TBC1D8: variants seen among roughly 807,000 people sequenced by gnomAD.
TBC1D8 encodes BUB2-like protein 1.
In TBC1D8, 65 loss-of-function variants were observed where a neutral mutation model predicts 118.8. The observed-to-expected ratio is 0.55, with a 90% confidence interval of 0.45 to 0.67. The LOEUF (loss-of-function observed/expected upper bound fraction) is 0.67, where lower values mean the gene tolerates loss of function less well. Among genes scored for constraint, TBC1D8 ranks in the 30% least tolerant of loss-of-function variants. The pLI is 0.00. For missense variants in TBC1D8, 1,376 were observed against 1,471.2 expected (o/e 0.94, Z 1.06); for synonymous variants, 566 against 595.8 (o/e 0.95, Z 0.73).
chr2:101,064,771 G>A (rs1171581138), intron 2 of TBC1D8, among the ~76,000 whole-genome samples: 2 of 152,156 alleles, frequency 1.3e-5, no homozygotes, highest in Non-Finnish European at 2.9e-5. Flanking sequence ...ACCAGAGGTG[G>A]TCAACAGAGG....
intron 10 of TBC1D8, chr2:101,033,058 C>T (rs896756549): frequency 4.1e-6 from 1 of 245,060 alleles, no homozygotes; most frequent in African/African-American, 2.2e-5. Flanking sequence ...GTGTTGAAGA[C>T]TGAATCTGCC....
intron 1 of TBC1D8, among the ~76,000 whole-genome samples, chr2:101,097,497 G>C (rs1435671587): frequency 6.6e-6 from 1 of 151,744 alleles, no homozygotes; most frequent in Non-Finnish European, 1.5e-5. Context: ...ATGGATAAGT[G>C]ACATGAATAA....
chr2:101,047,257 C>A (rs902294684), intron 5 of TBC1D8, among the ~76,000 whole-genome samples: 1 of 152,212 alleles, frequency 6.6e-6, no homozygotes, highest in African/African-American at 2.4e-5. Flanking sequence ...CACCCCCTAC[C>A]CTCCCTGCTC....
At chr2:101,058,668 T>C (rs181175519) in intron 3 of TBC1D8, among the ~76,000 whole-genome samples, 1 of 151,900 alleles carries the variant, frequency 6.6e-6, no homozygotes, top group East Asian at 1.9e-4. Context: ...ACATTTAATT[T>C]ACATATTTTA....
Position 101,054,163 on chromosome 2 carries a change from C to G in TBC1D8, c.576G>C (p.Trp192Cys), listed in dbSNP as rs1477655141. ...CWKGRVPRQG[W>C]LYLSINHLCF... ...AGAGGTGGTTGATGCTGAGGTACAG[C>G]CAGCCCTGGCGGGGCACCCTGCCCT... Residue 192 changes from tryptophan to cysteine, a missense_variant, in exon 4 of 20, where the codon TGG (tryptophan) becomes TGC (cysteine). Transcript: ENST00000409318. 1.9e-6 allele frequency: 3 copies of G among 1,613,530 alleles called. No individual in the cohort carries two copies. Among genetic ancestry groups the G allele is most frequent in the Non-Finnish European group, 2.5e-6 (3 of 1,179,788 alleles).
At chr2:101,136,787 A>T (rs758699246) in intron 1 of TBC1D8, among the ~76,000 whole-genome samples, 3 of 152,242 alleles carry the variant, frequency 2.0e-5, no homozygotes, top group Non-Finnish European at 2.9e-5. Context: ...ACATTCTGTA[A>T]GCAATCTTAA....
intron 1 of TBC1D8, among the ~76,000 whole-genome samples, chr2:101,122,383 C>CAAAAAAAAAAAAAAAAAAAAA (rs70943064): frequency 2.4e-4 from 17 of 71,944 alleles, no homozygotes; most frequent in Non-Finnish European, 3.1e-4. Context: ...GACTCCATTT[C>CAAAAAAAAAAAAAAAAAAAAA]AAAAAAAAAA....
intron 1 of TBC1D8, among the ~76,000 whole-genome samples, chr2:101,137,546 A>T (rs954522600): frequency 8.0e-5 from 12 of 150,546 alleles, no homozygotes; most frequent in Non-Finnish European, 3.0e-5. Flanking sequence ...TCTCCTGACC[A>T]TGTGATCCGC....
intron 17 of TBC1D8, among the ~76,000 whole-genome samples, chr2:101,015,237 A>G: frequency 1.3e-5 from 2 of 152,292 alleles, no homozygotes; most frequent in Middle Eastern, 6.8e-3. Context: ...AAAATATGGT[A>G]TAAAAGAAAA....
At chr2:101,137,132 A>G (rs887051040) in intron 1 of TBC1D8, among the ~76,000 whole-genome samples, 1 of 150,776 alleles carries the variant, frequency 6.6e-6, no homozygotes, top group Admixed American at 6.7e-5. Context: ...TCCCAGGTTC[A>G]AGTGATTCTA....
intron 17 of TBC1D8, among the ~76,000 whole-genome samples, chr2:101,012,625 CAA>C (rs71378138): frequency 0.26 from 35,206 of 135,108 alleles, 4,694 homozygotes; most frequent in South Asian, 0.39. Flanking sequence ...TCTGAATATA[CAA>C]AAAAAAAAAA....
At position 101,096,436 on chromosome 2, in the gene TBC1D8, A is replaced by AC. The variant is rs1044445678; in HGVS notation, c.128-6073_128-6072insG. On this transcript the variant is annotated intron_variant, in intron 1 of 19. Coordinates refer to ENST00000409318, the MANE Select transcript of TBC1D8 (RefSeq NM_001330348.2). ...GCTTTTGACAAAAAAAAAAAAAAAAAAAAAAAAAAAACTATAATGCACGCT... is the reference window on the plus strand; with the variant it reads ...GCTTTTGACAAAAAAAAAAAAAAAAACAAAAAAAAAAACTATAATGCACGCT... Among the ~76,000 whole-genome samples the AC allele has an allele frequency of 1.3e-4, 19 of 150,528 alleles. 1 individual carries two copies. Among genetic ancestry groups the AC allele is most frequent in the South Asian group, 1.3e-3 (6 of 4,768 alleles).
At chr2:101,035,450 A>G (rs189107234) in intron 9 of TBC1D8, among the ~76,000 whole-genome samples, 281 of 152,248 alleles carry the variant, frequency 1.8e-3, no homozygotes, top group African/African-American at 6.6e-3. Flanking sequence ...GCGTTCCCCA[A>G]TGGGTGCAGT....
At position 101,066,124 on chromosome 2, in the gene TBC1D8, A is replaced by G. The variant is rs1301003250; in HGVS notation, c.284-6585T>C. Among the ~76,000 whole-genome samples, 4 of 152,010 alleles carry G rather than the reference A, an allele frequency of 2.6e-5. 1 individual carries two copies. The South Asian group carries it at 6.2e-4, about 24-fold the overall frequency. On this transcript the variant is annotated intron_variant, in intron 2 of 19. Transcript: ENST00000409318. ...GTGAAACCCGGTCGGTCTTTACTAA[A>G]AATACAAAAATTAGTTGGGTGTGGT...
chr2:101,037,000 G>T (rs1284669969), intron 8 of TBC1D8, among the ~76,000 whole-genome samples: 1 of 152,202 alleles, frequency 6.6e-6, no homozygotes, highest in Non-Finnish European at 1.5e-5. Flanking sequence ...AGTGCTCATG[G>T]TCCAGCGCAG....
intron 1 of TBC1D8, among the ~76,000 whole-genome samples, chr2:101,117,207 G>A (rs1677858746): frequency 6.6e-6 from 1 of 152,156 alleles, no homozygotes; most frequent in African/African-American, 2.4e-5. Context: ...GCTGACTTTG[G>A]ACTTCTGGAC....
At chr2:101,137,144 T>G (rs941671139) in intron 1 of TBC1D8, among the ~76,000 whole-genome samples, 1 of 151,540 alleles carries the variant, frequency 6.6e-6, no homozygotes, top group Non-Finnish European at 1.5e-5. Flanking sequence ...GTGATTCTAC[T>G]GCCTCAGCCT....
chr2:101,102,613 A>G (rs1358743312), intron 1 of TBC1D8, among the ~76,000 whole-genome samples: 1 of 152,200 alleles, frequency 6.6e-6, no homozygotes, highest in African/African-American at 2.4e-5. Context: ...ACATAGGTTA[A>G]AAGTAAAGGA....
intron 3 of TBC1D8, among the ~76,000 whole-genome samples, chr2:101,058,379 A>G (rs546017555): frequency 1.3e-5 from 2 of 152,348 alleles, no homozygotes; most frequent in South Asian, 4.1e-4. Flanking sequence ...TAGAAAGCCA[A>G]GCTTTTTGCA....
Sources: gnomAD v4.1 joint callset for allele counts (sites outside exome capture counted in the v4.1 genomes callset) on GRCh38, gnomAD v4.1.1 for gene constraint, MANE v1.5 for transcripts, NCBI Gene and HGNC (gene_info 2026-07-23, HGNC 2026-07-21) for gene names.